SMYD3: variants seen among roughly 807,000 people sequenced by gnomAD.
SMYD3 encodes the protein SET and MYND domain containing 3, also known as histone-lysine N-methyltransferase SMYD3.
SMYD3 carries 36 observed loss-of-function variants against 57.7 expected under a neutral mutation model. That is an observed-to-expected ratio of 0.62 (90% confidence interval 0.48 to 0.82). The LOEUF (loss-of-function observed/expected upper bound fraction) is 0.82, where lower values mean the gene tolerates loss of function less well. Ranked by LOEUF, SMYD3 falls within the 40% of genes least tolerant of loss-of-function variation. The pLI, the probability that SMYD3 is intolerant of heterozygous loss-of-function variation, is 0.00. For synonymous variants in SMYD3, 211 were observed against 195.0 expected, an observed-to-expected ratio of 1.08 and a Z score of -0.68; for missense variants, 515 against 538.8, an observed-to-expected ratio of 0.96 and a Z score of 0.44.
At chr1:246,492,972 C>A (rs1221880085) in intron 1 of SMYD3, among the ~76,000 whole-genome samples, 1 of 152,124 alleles carries the variant, frequency 6.6e-6, no homozygotes, top group Non-Finnish European at 1.5e-5. Flanking sequence ...GGAAGACAGC[C>A]TTAAGGTACA....
At chr1:246,288,072 T>C (rs1455094317) in intron 5 of SMYD3, among the ~76,000 whole-genome samples, 10 of 115,304 alleles carry the variant, frequency 8.7e-5, no homozygotes, top group African/African-American at 3.3e-4. Flanking sequence ...CTTTTTTTTT[T>C]TTTTTTTTTT....
At chr1:245,816,541 AGG>A (rs2048812519) in intron 10 of SMYD3, among the ~76,000 whole-genome samples, 1 of 145,996 alleles carries the variant, frequency 6.8e-6, no homozygotes, top group African/African-American at 2.5e-5. Flanking sequence ...AAAAAAAAAG[AGG>A]AGCCAAGATG....
At chr1:246,128,142 A>G (rs1207320919) in intron 5 of SMYD3, among the ~76,000 whole-genome samples, 2 of 152,130 alleles carry the variant, frequency 1.3e-5, no homozygotes, top group Admixed American at 1.3e-4. Flanking sequence ...AAATACCTCC[A>G]AGTCACTGTT....
chr1:246,365,528 A>T (rs2066086279), intron 1 of SMYD3, among the ~76,000 whole-genome samples: 1 of 151,404 alleles, frequency 6.6e-6, no homozygotes, highest in African/African-American at 2.4e-5. Flanking sequence ...TTAGGAATAT[A>T]AGAATATTAC....
chr1:246,465,738 G>A (rs2067872631), intron 1 of SMYD3, among the ~76,000 whole-genome samples: 1 of 152,146 alleles, frequency 6.6e-6, no homozygotes, highest in Non-Finnish European at 1.5e-5. Flanking sequence ...TGCTGGTAAG[G>A]CTGTGGAGAA....
chr1:245,863,745 G>C lies in SMYD3; in HGVS notation c.901+54C>G. On this transcript the variant is annotated intron_variant, in intron 9 of 11. Transcript: ENST00000490107. ...TGACCTCATTACGACAGGGCTTCAA[G>C]AAAACAAGGAAACAATCCCAACAGT... 4.5e-6 allele frequency: 7 copies of C among 1,550,792 alleles called. No homozygotes were observed. The South Asian group carries it at 7.9e-5, about 17-fold the overall frequency.
At chr1:246,251,460 C>T (rs2063797754) in intron 5 of SMYD3, among the ~76,000 whole-genome samples, 1 of 149,532 alleles carries the variant, frequency 6.7e-6, no homozygotes, top group African/African-American at 2.5e-5. Flanking sequence ...ACACTGTGCC[C>T]GGCTTTAGTA....
chr1:246,445,047 T>A (rs1390233160), intron 1 of SMYD3, among the ~76,000 whole-genome samples: 7 of 152,196 alleles, frequency 4.6e-5, no homozygotes, highest in Non-Finnish European at 8.8e-5. Context: ...ACTATTGATG[T>A]TGATGATGGC....
rs142709668 is a variant in SMYD3 at position 246,138,171 on chromosome 1, C to T, written c.531+189030G>A. On this transcript the variant is annotated intron_variant, in intron 5 of 11. Coordinates refer to ENST00000490107, the MANE Select transcript of SMYD3 (RefSeq NM_001167740.2). ...AAGGGACTAAATTTACACATAGCAC[C>T]GAGGCTGTGCACAGTCCTCCTCTGT... Among the ~76,000 whole-genome samples, 195 of 152,178 alleles carry T rather than the reference C, an allele frequency of 1.3e-3. 1 individual carries two copies. The East Asian group carries it at 0.028, about 22-fold the overall frequency.
At chr1:245,859,210 CAT>C (rs2051408853) in intron 9 of SMYD3, among the ~76,000 whole-genome samples, 1 of 152,180 alleles carries the variant, frequency 6.6e-6, no homozygotes, top group South Asian at 2.1e-4. Flanking sequence ...AATTTGAAGA[CAT>C]AGATTTCCAC....
chr1:246,260,423 TTTGTTG>T (rs537178840), intron 5 of SMYD3, among the ~76,000 whole-genome samples: 28 of 148,696 alleles, frequency 1.9e-4, no homozygotes, highest in African/African-American at 6.7e-4. Context: ...CCATTTTCCT[TTTGTTG>T]TTGTTGTTGT....
At chr1:245,999,417 T>A (rs2058994690) in intron 5 of SMYD3, among the ~76,000 whole-genome samples, 1 of 152,192 alleles carries the variant, frequency 6.6e-6, no homozygotes, top group Non-Finnish European at 1.5e-5. Flanking sequence ...AGGTTTTTAT[T>A]ATTATCCTCA....
chr1:246,175,147 G>A (rs1252998707), intron 5 of SMYD3, among the ~76,000 whole-genome samples: 1 of 152,088 alleles, frequency 6.6e-6, no homozygotes, highest in Non-Finnish European at 1.5e-5. Context: ...TGTAGAAAAC[G>A]CACTGGTGAT....
chr1:245,821,043 CTA>C (rs1302328321), intron 10 of SMYD3, among the ~76,000 whole-genome samples: 1 of 150,686 alleles, frequency 6.6e-6, no homozygotes, highest in Non-Finnish European at 1.5e-5. Flanking sequence ...TGGAAAAAAA[CTA>C]CTTTAAAGTT....
intron 9 of SMYD3, among the ~76,000 whole-genome samples, chr1:245,861,978 G>C (rs2051571859): frequency 7.4e-6 from 1 of 136,000 alleles, no homozygotes; most frequent in Admixed American, 7.7e-5. Flanking sequence ...ACTCTGGCTG[G>C]GTTATCCATG....
At chr1:245,991,653 C>T (rs2058816222) in intron 5 of SMYD3, among the ~76,000 whole-genome samples, 2 of 152,254 alleles carry the variant, frequency 1.3e-5, no homozygotes, top group Non-Finnish European at 2.9e-5. Flanking sequence ...GAGGGCTTCC[C>T]CTTAGAGCTG....
At chr1:246,392,644 C>T (rs1572454640) in intron 1 of SMYD3, among the ~76,000 whole-genome samples, 1 of 151,954 alleles carries the variant, frequency 6.6e-6, no homozygotes, top group Admixed American at 6.6e-5. Flanking sequence ...GATGTGGTCT[C>T]ACTCTGTTGC....
intron 10 of SMYD3, among the ~76,000 whole-genome samples, chr1:245,803,402 C>T (rs1216623068): frequency 6.6e-6 from 1 of 151,858 alleles, no homozygotes; most frequent in Non-Finnish European, 1.5e-5. Flanking sequence ...TAGGTTGAAC[C>T]ATATGAACTG....
At chr1:245,993,256 T>C (rs2058845640) in intron 5 of SMYD3, among the ~76,000 whole-genome samples, 1 of 152,140 alleles carries the variant, frequency 6.6e-6, no homozygotes, top group Admixed American at 6.5e-5. Context: ...AGTTCATCCA[T>C]TTGCCAAAGC....
Sources: allele counts gnomAD v4.1 joint callset (sites outside exome capture counted in the v4.1 genomes callset), GRCh38; gene constraint gnomAD v4.1.1; transcripts MANE v1.5; gene names NCBI Gene and HGNC (gene_info 2026-07-23, HGNC 2026-07-21).